PIK3CG: variants seen among roughly 807,000 people sequenced by gnomAD.
PIK3CG encodes the protein phosphatidylinositol-4,5-bisphosphate 3-kinase catalytic subunit gamma.
Under a neutral mutation model 102.3 loss-of-function variants are expected in PIK3CG, and 55 were observed. The ratio of observed to expected loss-of-function variants is 0.54; its 90% CI spans 0.43 to 0.67. The LOEUF (loss-of-function observed/expected upper bound fraction) is 0.67. Among genes scored for constraint, PIK3CG ranks in the 30% least tolerant of loss-of-function variants. The pLI, the probability that PIK3CG is intolerant of heterozygous loss-of-function variation, is 0.00. For synonymous variants in PIK3CG, 552 were observed against 540.0 expected (o/e 1.02, Z -0.31); for missense variants, 1,258 against 1,391.8 (o/e 0.90, Z 1.53).
chr7:106,869,411 G>A lies in PIK3CG; in HGVS notation c.1850G>A (p.Trp617Ter). ...TYQLLARREV[W>*]DQSALDVGLT... ...CAATTGTTGGCCAGAAGGGAAGTCT[G>A]GGATCAAAGTGCTTTGGATGTTGGG... Residue 617 changes from tryptophan to a stop codon, truncating the protein, a stop_gained, in exon 2 of 11, where the codon TGG (tryptophan) becomes TAG (stop). Transcript: ENST00000496166. LOFTEE classifies it high-confidence loss of function. This position sits in a 1 kb window ranked among gnomAD's most constrained non-coding sequence, Gnocchi z 5.3. The A allele has an allele frequency of 6.2e-7, 1 of 1,614,246 alleles. No individual in the cohort carries two copies. The highest frequency in any genetic ancestry group is 8.5e-7 in the Non-Finnish European group (1 of 1,180,034).
chr7:106,904,036 C>T (rs1394707427), intron 10 of PIK3CG, among the ~76,000 whole-genome samples: 1 of 152,144 alleles, frequency 6.6e-6, no homozygotes, highest in East Asian at 1.9e-4. Context: ...GCTAGGATTA[C>T]AGGTGTGAGC....
In PIK3CG at chr7:106,879,422, T is replaced by G; in HGVS notation, c.2392-97T>G. The G allele has an allele frequency of 5.2e-6, 5 of 967,960 alleles. No individual in the cohort carries two copies. The highest frequency in any genetic ancestry group is 2.8e-5 in the South Asian group (2 of 72,592). The allele number at this position is 967,960 out of a possible 1,614,324, so 60.0% of individuals were successfully genotyped here. A position where few individuals can be genotyped will look rare whatever the true frequency, so the allele number is the denominator to read the frequency against. On this transcript the variant is annotated intron_variant, in intron 5 of 10. Coordinates refer to ENST00000496166, the MANE Select transcript of PIK3CG (RefSeq NM_001282426.2). The surrounding 1 kb of genome is among the most constrained non-coding windows in gnomAD (Gnocchi z 4.9). ...CATTCTCCAACTAGGACTTTGTCCTTGTTGTTTATAGTGATGTTTTGCAAG... is the reference window on the plus strand; with the variant it reads ...CATTCTCCAACTAGGACTTTGTCCTGGTTGTTTATAGTGATGTTTTGCAAG...
At position 106,897,207 on chromosome 7, in the gene PIK3CG, C is replaced by T. The variant is rs1388449766; in HGVS notation, c.3031-7902C>T. ...TAGGACATTATTAATAGATTGCTTT[C>T]AAGTTTCCACAATTTTAAACCATGT... On this transcript the variant is annotated intron_variant, in intron 10 of 10. Coordinates refer to ENST00000496166, the MANE Select transcript of PIK3CG (RefSeq NM_001282426.2). This position sits in a 1 kb window ranked among gnomAD's most constrained non-coding sequence, Gnocchi z 4.6. Among the ~76,000 whole-genome samples the T allele has an allele frequency of 6.6e-6, 1 of 152,102 alleles. No individual in the cohort carries two copies. The highest frequency in any genetic ancestry group is 1.5e-5 in the Non-Finnish European group (1 of 68,014).
rs979897425 is a variant in PIK3CG, at chr7:106,883,178, T to C, written c.2760+15T>C. ...CTGAAGAAAAGGTGAGCTCATGCTTTTTCCCAGTCTAATGGCTCCTTACAA... is the reference window on the plus strand; with the variant it reads ...CTGAAGAAAAGGTGAGCTCATGCTTCTTCCCAGTCTAATGGCTCCTTACAA... On this transcript the variant is annotated intron_variant, in intron 8 of 10. Transcript: ENST00000496166. This position sits in a 1 kb window ranked among gnomAD's most constrained non-coding sequence, Gnocchi z 5.8. The C allele has an allele frequency of 1.9e-6, 3 of 1,613,818 alleles. No homozygotes were observed. Among genetic ancestry groups the C allele is most frequent in the African/African-American group, 2.7e-5 (2 of 74,916 alleles).
chr7:106,888,769 G>A (rs981647648), intron 10 of PIK3CG, among the ~76,000 whole-genome samples: 1 of 152,212 alleles, frequency 6.6e-6, no homozygotes, highest in African/African-American at 2.4e-5. Context: ...CACACATACA[G>A]CATAACAAGG....
rs1361286609 is a variant in PIK3CG, at chr7:106,884,048, C to G, written c.2761-107C>G. 2 of 818,154 alleles carry G rather than the reference C, an allele frequency of 2.4e-6. No homozygotes were observed. Among genetic ancestry groups the G allele is most frequent in the Non-Finnish European group, 4.0e-6 (2 of 495,626 alleles). 50.7% of individuals were successfully genotyped at this position (818,154 alleles called of 1,614,324 possible). ...AATGAAATCAGGCACAACTAACTTGCTCTCTGAAAATGGTTTCCAGAATAT... is the reference window on the plus strand; with the variant it reads ...AATGAAATCAGGCACAACTAACTTGGTCTCTGAAAATGGTTTCCAGAATAT... On this transcript the variant is annotated intron_variant, in intron 8 of 10. Coordinates refer to ENST00000496166, the MANE Select transcript of PIK3CG (RefSeq NM_001282426.2). The surrounding 1 kb of genome is among the most constrained non-coding windows in gnomAD (Gnocchi z 4.2).
rs1243325389 is a variant in PIK3CG at position 106,868,498 on chromosome 7, C to T, written c.937C>T (p.Pro313Ser). Reference sequence around the variant, plus strand: ...CGTGGTACTGGACACGCCTCCAGACCCGGCCCTAGACGAGGTGAGGAAGGA... The same window carrying T: ...CGTGGTACTGGACACGCCTCCAGACTCGGCCCTAGACGAGGTGAGGAAGGA... Reference protein sequence around the residue: ...IHVVLDTPPDPALDEVRKEEW... With the variant: ...IHVVLDTPPDSALDEVRKEEW... The change falls in exon 2 of 11, where the codon CCG becomes TCG. Residue 313 changes from proline (P) to serine (S), a missense_variant. By Grantham distance (74) the Pro-to-Ser change is moderately conservative (BLOSUM62 -1). Transcript: ENST00000496166. The surrounding 1 kb of genome is among the most constrained non-coding windows in gnomAD (Gnocchi z 6.2). 2 of 1,614,010 alleles carry T rather than the reference C, an allele frequency of 1.2e-6. No individual in the cohort carries two copies. The highest frequency in any genetic ancestry group is 1.7e-6 in the Non-Finnish European group (2 of 1,180,034).
chr7:106,886,855 A>G (rs1191520479), intron 10 of PIK3CG, among the ~76,000 whole-genome samples: 3 of 152,154 alleles, frequency 2.0e-5, no homozygotes, highest in African/African-American at 7.2e-5. Context: ...CTTACCTGTA[A>G]ACAAGCTCCT....
chr7:106,872,999 T>C lies in PIK3CG; in HGVS notation c.2287+61T>C. ...ATGCCTTCATCTCCAAATGCCATTG[T>C]TCCTATAATTCTTTTTCTTCCTGGA... On this transcript the variant is annotated intron_variant, in intron 4 of 10. Coordinates refer to ENST00000496166, the MANE Select transcript of PIK3CG (RefSeq NM_001282426.2). This position sits in a 1 kb window ranked among gnomAD's most constrained non-coding sequence, Gnocchi z 5.3. The C allele has an allele frequency of 8.5e-7, 1 of 1,176,854 alleles. No homozygotes were observed. Among genetic ancestry groups the C allele is most frequent in the Non-Finnish European group, 1.3e-6 (1 of 797,706 alleles). 72.9% of individuals were successfully genotyped at this position (1,176,854 alleles called of 1,614,324 possible). A position where few individuals can be genotyped will look rare whatever the true frequency, so the allele number is the denominator to read the frequency against.
At chr7:106,900,148 A>G (rs1350123377) in intron 10 of PIK3CG, among the ~76,000 whole-genome samples, 1 of 152,004 alleles carries the variant, frequency 6.6e-6, no homozygotes, top group Non-Finnish European at 1.5e-5. Flanking sequence ...GCATATTTGT[A>G]GTAGTTTCTG....
chr7:106,877,571 A>G lies in PIK3CG; in HGVS notation c.2392-1948A>G, dbSNP rs1790791564. On this transcript the variant is annotated intron_variant, in intron 5 of 10. Coordinates refer to ENST00000496166, the MANE Select transcript of PIK3CG (RefSeq NM_001282426.2). This position sits in a 1 kb window ranked among gnomAD's most constrained non-coding sequence, Gnocchi z 4.5. ...GGTGAAGGTCAGAGTTCATTTTTAA[A>G]TATGAATATCCAGATTTTTCAGCAC... Among the ~76,000 whole-genome samples the G allele has an allele frequency of 6.6e-6, 1 of 152,224 alleles. No individual in the cohort carries two copies. Among genetic ancestry groups the G allele is most frequent in the Non-Finnish European group, 1.5e-5 (1 of 68,046 alleles).
In PIK3CG at chr7:106,868,445, A is replaced by G. The variant is rs148558253; in HGVS notation, c.884A>G (p.His295Arg). Residue 295 changes from histidine to arginine, a missense_variant, in exon 2 of 11, where the codon CAC (histidine) becomes CGC (arginine). Around this residue, in one of 2 missense-constraint regions of PIK3CG, gnomAD observed 832 missense variants for 787.5 expected, o/e 1.06. Coordinates refer to ENST00000496166, the MANE Select transcript of PIK3CG (RefSeq NM_001282426.2). This position sits in a 1 kb window ranked among gnomAD's most constrained non-coding sequence, Gnocchi z 6.2. ...TPIKNFQWVR[H>R]CLKNGEEIHV... Reference sequence around the variant, plus strand: ...ATCAAAAACTTCCAGTGGGTGAGGCACTGCCTCAAGAACGGAGAAGAGATT... The same window carrying G: ...ATCAAAAACTTCCAGTGGGTGAGGCGCTGCCTCAAGAACGGAGAAGAGATT... The G allele has an allele frequency of 1.4e-5, 23 of 1,614,116 alleles. No homozygotes were observed. The highest frequency in any genetic ancestry group is 1.7e-5 in the Admixed American group (1 of 60,008).
rs2116613327 is a variant in PIK3CG at position 106,903,670 on chromosome 7, C to G, written c.3031-1439C>G. 6.6e-6 allele frequency among the ~76,000 whole-genome samples: 1 copy of G among 151,898 alleles called. No individual in the cohort carries two copies. Among genetic ancestry groups the G allele is most frequent in the Admixed American group, 6.6e-5 (1 of 15,258 alleles). ...AACCTAGTTTATTAAAAACTACTTA[C>G]AGTAATATTTGATTTTTTAAAGACA... On this transcript the variant is annotated intron_variant, in intron 10 of 10. Transcript: ENST00000496166. The surrounding 1 kb of genome is among the most constrained non-coding windows in gnomAD (Gnocchi z 4.3).
rs145492443 is a variant in PIK3CG at position 106,868,569 on chromosome 7, T to C, written c.1008T>C (p.His336=). 9.3e-6 allele frequency: 15 copies of C among 1,614,002 alleles called. No individual in the cohort carries two copies. In the African/African-American group the frequency reaches 1.6e-4, roughly 17 times the overall value. ...ACTGCACGGGAGTCACCGGCTACCA[T>C]GAGCAGCTTACCATCCACGGCAAGG... is the stretch of plus-strand genomic sequence containing the variant. The part of the protein sequence containing the change: ...VDDCTGVTGY[H]EQLTIHGKDH... The change falls in exon 2 of 11, where the codon CAT becomes CAC. Residue 336 remains histidine (H), a synonymous_variant. Coordinates refer to ENST00000496166, the MANE Select transcript of PIK3CG (RefSeq NM_001282426.2). The surrounding 1 kb of genome is among the most constrained non-coding windows in gnomAD (Gnocchi z 6.2).
rs570688200 is a variant in PIK3CG, at chr7:106,889,988, G to A, written c.3030+3696G>A. On this transcript the variant is annotated intron_variant, in intron 10 of 10. Coordinates refer to ENST00000496166, the MANE Select transcript of PIK3CG (RefSeq NM_001282426.2). ...TGACAATTTTGATAAATTCTCCACA[G>A]AAAAATCTCCCTTATGGGAGGAATA... Among the ~76,000 whole-genome samples the A allele has an allele frequency of 2.0e-5, 3 of 152,240 alleles. No individual in the cohort carries two copies. In the South Asian group the frequency reaches 6.2e-4, roughly 32 times the overall value.
chr7:106,876,010 G>A (rs902805563), intron 5 of PIK3CG, among the ~76,000 whole-genome samples: 2 of 149,846 alleles, frequency 1.3e-5, no homozygotes, highest in Non-Finnish European at 3.0e-5. Flanking sequence ...CGCTTCCCGG[G>A]TTCACGCCAT....
intron 7 of PIK3CG, chr7:106,882,468 C>T (rs1037689445): frequency 7.1e-6 from 2 of 279,842 alleles, no homozygotes; most frequent in African/African-American, 4.4e-5. Context: ...CCTTCTCCAT[C>T]TCTAAACTTT....
At position 106,872,625 on chromosome 7, in the gene PIK3CG, T is replaced by C. The variant is rs1415819381; in HGVS notation, c.2061+23T>C. Reference sequence around the variant, plus strand: ...AGAGTAAGTACTTCCATTTTGATAATAGCGTGAAATTTTAAGTTGCCAAGA... The same window carrying C: ...AGAGTAAGTACTTCCATTTTGATAACAGCGTGAAATTTTAAGTTGCCAAGA... On this transcript the variant is annotated intron_variant, in intron 3 of 10. Coordinates refer to ENST00000496166, the MANE Select transcript of PIK3CG (RefSeq NM_001282426.2). The surrounding 1 kb of genome is among the most constrained non-coding windows in gnomAD (Gnocchi z 5.3). 1.2e-6 allele frequency: 2 copies of C among 1,608,342 alleles called. No homozygotes were observed. The highest frequency in any genetic ancestry group is 1.7e-6 in the Non-Finnish European group (2 of 1,174,658).
intron 10 of PIK3CG, among the ~76,000 whole-genome samples, chr7:106,898,786 T>C (rs2116600519): frequency 6.6e-6 from 1 of 152,300 alleles, no homozygotes; most frequent in Non-Finnish European, 1.5e-5. Context: ...CCTTGTAATA[T>C]AGTTTAAAGT....
Sources: allele counts gnomAD v4.1 joint callset (sites outside exome capture counted in the v4.1 genomes callset), GRCh38; gene constraint gnomAD v4.1.1; regional missense constraint gnomAD v4.1.1; non-coding constraint Gnocchi (gnomAD v3.1); transcripts MANE v1.5; gene names NCBI Gene and HGNC (gene_info 2026-07-23, HGNC 2026-07-21).